Variants in CD244 observed in about 807,000 individuals in gnomAD.
The protein encoded by CD244 is CD244 molecule, also known as natural killer cell receptor 2B4.
Under a neutral mutation model 45.5 loss-of-function variants are expected in CD244, and 20 were observed. The ratio of observed to expected loss-of-function variants is 0.44; its 90% CI spans 0.31 to 0.64. The LOEUF (loss-of-function observed/expected upper bound fraction) is 0.64, where lower values mean the gene tolerates loss of function less well. Among genes scored for constraint, CD244 ranks in the 30% least tolerant of loss-of-function variants. The pLI, the probability that CD244 is intolerant of heterozygous loss-of-function variation, is 0.08. For synonymous variants in CD244, 185 were observed against 160.5 expected, an observed-to-expected ratio of 1.15 and a Z score of -1.15; for missense variants, 407 against 426.9, an observed-to-expected ratio of 0.95 and a Z score of 0.41.
chr1:160,836,569 G>T (rs546718305), intron 5 of CD244, among the ~76,000 whole-genome samples: 1 of 152,298 alleles, frequency 6.6e-6, no homozygotes, highest in African/African-American at 2.4e-5. Context: ...TCTGAGTAGG[G>T]CTGTTATCTG....
intron 1 of CD244, among the ~76,000 whole-genome samples, chr1:160,852,948 G>T (rs1669970472): frequency 6.6e-6 from 1 of 151,680 alleles, no homozygotes; most frequent in Non-Finnish European, 1.5e-5. Flanking sequence ...ACTTAAATCT[G>T]AGAGGCGGAG....
intron 1 of CD244, among the ~76,000 whole-genome samples, chr1:160,849,317 G>T (rs112869594): frequency 0.05 from 6,871 of 138,200 alleles, 505 homozygotes; most frequent in African/African-American, 0.16. Context: ...TAAGTTCTGG[G>T]ATACGTATGC....
chr1:160,845,395 T>C (rs1669694932), intron 1 of CD244, among the ~76,000 whole-genome samples: 1 of 151,966 alleles, frequency 6.6e-6, no homozygotes, highest in Admixed American at 6.6e-5. Flanking sequence ...ATTTGAGATA[T>C]AGCAAAAACA....
At chr1:160,862,503 G>A (rs1670346121) in intron 1 of CD244, 114 bp downstream of exon 1, 2 of 873,726 alleles carry the variant, frequency 2.3e-6, no homozygotes, top group East Asian at 5.3e-5. Flanking sequence ...GCTGCTCGGA[G>A]TCAAGTTCCA....
intron 1 of CD244, among the ~76,000 whole-genome samples, chr1:160,856,894 T>C (rs891196709): frequency 7.1e-6 from 1 of 140,868 alleles, no homozygotes; most frequent in African/African-American, 2.7e-5. Flanking sequence ...ACCAATAGAA[T>C]AGGAAAAAAA....
In CD244 at chr1:160,838,664, C is replaced by T. The variant is rs186861682; in HGVS notation, c.767-146G>A. 8.8e-5 allele frequency: 59 copies of T among 674,048 alleles called. 1 individual carries two copies. The Admixed American group carries it at 1.4e-3, about 16-fold the overall frequency. The allele number at this position is 674,048 out of a possible 1,614,324, so 41.8% of individuals were successfully genotyped here. On this transcript the variant is annotated intron_variant, in intron 4 of 8. Coordinates refer to ENST00000368034, the MANE Select transcript of CD244 (RefSeq NM_016382.4). ...AAGTTAATGCTCTTCCCAGGAACCCCAAAGAGCACAGAGGCAGCAACCGAA... is the reference window on the plus strand; with the variant it reads ...AAGTTAATGCTCTTCCCAGGAACCCTAAAGAGCACAGAGGCAGCAACCGAA...
chr1:160,849,358 G>A (rs909906580), intron 1 of CD244, among the ~76,000 whole-genome samples: 2 of 148,172 alleles, frequency 1.3e-5, no homozygotes, highest in African/African-American at 2.5e-5. Context: ...GTAGGTATAC[G>A]TGTGCCATGG....
intron 1 of CD244, among the ~76,000 whole-genome samples, chr1:160,850,910 T>C (rs1354023215): frequency 6.6e-6 from 1 of 152,244 alleles, no homozygotes; most frequent in African/African-American, 2.4e-5. Context: ...AGCTATAAAC[T>C]GGGTTTCCCG....
chr1:160,831,202 T>C lies in CD244; in HGVS notation c.*145A>G. ...TTATCATGGTTGTTAGACATCATTT[T>C]CAAAACAAAATATAGAACAAGAACA... On this transcript the variant is annotated 3_prime_UTR_variant, in exon 9 of 9. Coordinates refer to ENST00000368034, the MANE Select transcript of CD244 (RefSeq NM_016382.4). 1.5e-6 allele frequency: 1 copy of C among 655,658 alleles called. No individual in the cohort carries two copies. The highest frequency in any genetic ancestry group is 1.9e-5 in the South Asian group (1 of 52,176). The allele number at this position is 655,658 out of a possible 1,614,324, so 40.6% of individuals were successfully genotyped here.
At chr1:160,844,385 G>A (rs1669653915) in intron 1 of CD244, among the ~76,000 whole-genome samples, 5 of 152,194 alleles carry the variant, frequency 3.3e-5, no homozygotes, top group Admixed American at 3.3e-4. Context: ...CAGAGAACTA[G>A]CGTGATAGAA....
chr1:160,834,065 G>T lies in CD244; in HGVS notation c.946C>A (p.Gln316Lys). ...AAGAGGCTCACCTTCCTGGAAGGCT[G>T]AATTAATGAATATAATGTATATGCA... ...EPAYTLYSLI[Q>K]PSRKSGSRKR... Residue 316 changes from glutamine (Q) to lysine (K), a missense_variant, in exon 7 of 9, where the codon CAG (glutamine) becomes AAG (lysine). By Grantham distance (53) the Gln-to-Lys change is moderately conservative (BLOSUM62 1). Transcript: ENST00000368034. 6.2e-7 allele frequency: 1 copy of T among 1,611,250 alleles called. No individual in the cohort carries two copies. Among genetic ancestry groups the T allele is most frequent in the South Asian group, 1.1e-5 (1 of 91,006 alleles).
intron 5 of CD244, among the ~76,000 whole-genome samples, chr1:160,836,723 C>T (rs766228895): frequency 6.6e-6 from 1 of 152,158 alleles, no homozygotes; most frequent in African/African-American, 2.4e-5. Flanking sequence ...CTGGGTGCAG[C>T]CCTGAACCCA....
intron 1 of CD244, among the ~76,000 whole-genome samples, chr1:160,848,686 G>T (rs761990102): frequency 6.6e-6 from 1 of 151,268 alleles, no homozygotes; most frequent in Non-Finnish European, 1.5e-5. Flanking sequence ...AAGGTTGTTG[G>T]TCATGCCTAT....
chr1:160,862,500 G>T (rs1051660006), intron 1 of CD244, 117 bp downstream of exon 1: 2 of 825,178 alleles, frequency 2.4e-6, no homozygotes, highest in Non-Finnish European at 3.9e-6. Flanking sequence ...GGAGCTGCTC[G>T]GAGTCAAGTT....
chr1:160,835,883 G>A (rs145561837), intron 6 of CD244, among the ~76,000 whole-genome samples: 2 of 152,316 alleles, frequency 1.3e-5, no homozygotes, highest in Non-Finnish European at 2.9e-5. Context: ...ATTAGAAGCA[G>A]CAGCAGGGCA....
intron 1 of CD244, among the ~76,000 whole-genome samples, chr1:160,861,730 G>A (rs980215537): frequency 7.9e-5 from 12 of 152,044 alleles, no homozygotes; most frequent in African/African-American, 2.2e-4. Context: ...TCACCTACTC[G>A]GGAGGCTGAG....
chr1:160,836,394 A>G, intron 5 of CD244, 140 bp from the exon 6 acceptor site: 1 of 697,814 alleles, frequency 1.4e-6, no homozygotes. Flanking sequence ...AGAGTCATTG[A>G]TCCTCCCAAG....
intron 1 of CD244, among the ~76,000 whole-genome samples, chr1:160,859,743 C>CAAAAA (rs541327271): frequency 2.8e-5 from 3 of 108,646 alleles, no homozygotes; most frequent in African/African-American, 9.1e-5. Flanking sequence ...CCTGTATCTA[C>CAAAAA]AAAAAAAAAA....
chr1:160,834,923 C>G (rs1385334260), intron 6 of CD244, among the ~76,000 whole-genome samples: 1 of 152,148 alleles, frequency 6.6e-6, no homozygotes, highest in Non-Finnish European at 1.5e-5. Context: ...GACTGTCATT[C>G]TCACCCAACA....
Sources: gnomAD v4.1 joint callset for allele counts (sites outside exome capture counted in the v4.1 genomes callset) on GRCh38, gnomAD v4.1.1 for gene constraint, MANE v1.5 for transcripts, NCBI Gene and HGNC (gene_info 2026-07-23, HGNC 2026-07-21) for gene names.